The following PKHD1 variants were observed in gnomAD, a reference collection of about 807,000 sequenced individuals.
The protein encoded by PKHD1 is fibrocystin.
PKHD1 carries 291 observed loss-of-function variants against 412.0 expected under a neutral mutation model. The observed-to-expected ratio is 0.71, with a 90% confidence interval of 0.64 to 0.78. The LOEUF is 0.78. Ranked by LOEUF, PKHD1 falls within the 30% of genes least tolerant of loss-of-function variation. The pLI is 0.00. For missense variants in PKHD1, 4,825 were observed against 4,950.7 expected (o/e 0.97, Z 0.76); for synonymous variants, 1,777 against 1,821.5 (o/e 0.98, Z 0.62).
chr6:51,947,442 T>C (rs1337467175), intron 36 of PKHD1, among the ~76,000 whole-genome samples: 1 of 152,226 alleles, frequency 6.6e-6, no homozygotes, highest in Non-Finnish European at 1.5e-5. Flanking sequence ...AACTCTTCTA[T>C]TTAGAACCTT....
At chr6:51,743,529 G>T (rs1784821935) in intron 60 of PKHD1, among the ~76,000 whole-genome samples, 3 of 152,138 alleles carry the variant, frequency 2.0e-5, no homozygotes, top group African/African-American at 4.8e-5. Flanking sequence ...TCAGGGTCGA[G>T]TCTAGGCTGA....
At chr6:51,998,496 G>A (rs978317379) in intron 35 of PKHD1, among the ~76,000 whole-genome samples, 1 of 152,210 alleles carries the variant, frequency 6.6e-6, no homozygotes, top group African/African-American at 2.4e-5. Context: ...TTAACTGGAA[G>A]TAAGGGAACT....
chr6:52,035,881 T>C (rs767947751), intron 27 of PKHD1, among the ~76,000 whole-genome samples, 160 bp from the exon 28 acceptor site: 4 of 152,036 alleles, frequency 2.6e-5, no homozygotes, highest in Non-Finnish European at 4.4e-5. Flanking sequence ...GTTAAATATA[T>C]AAACTATCAT....
chr6:51,840,895 T>G (rs937980443), intron 50 of PKHD1, among the ~76,000 whole-genome samples: 1 of 152,190 alleles, frequency 6.6e-6, no homozygotes, highest in Non-Finnish European at 1.5e-5. Context: ...AGTTTCATTT[T>G]AGTATCTATA....
chr6:51,655,222 C>T (rs1771615773), intron 61 of PKHD1, among the ~76,000 whole-genome samples: 1 of 152,098 alleles, frequency 6.6e-6, no homozygotes, highest in Non-Finnish European at 1.5e-5. Flanking sequence ...TGGAAAAGAA[C>T]ATACTTCCTT....
chr6:51,786,404 G>A lies in PKHD1; in HGVS notation c.8440+4832C>T, dbSNP rs934329445. The stretch of plus-strand genomic sequence containing the variant: ...ACTTTTCACTGTGTCCCTTTTAAGT[G>A]CATTCTCTACACTTCCAGCACTAAT... On this transcript the variant is annotated intron_variant, in intron 53 of 66. Transcript: ENST00000371117. 3.3e-5 allele frequency among the ~76,000 whole-genome samples: 5 copies of A among 152,014 alleles called. No individual in the cohort carries two copies. The South Asian group carries it at 1.0e-3, about 31-fold the overall frequency.
At chr6:51,967,753 A>G (rs1793043769) in intron 35 of PKHD1, among the ~76,000 whole-genome samples, 1 of 152,186 alleles carries the variant, frequency 6.6e-6, no homozygotes, top group Admixed American at 6.5e-5. Flanking sequence ...GAAGATTGAC[A>G]GATACATGCT....
chr6:51,727,117 T>C (rs1039275241), intron 60 of PKHD1, among the ~76,000 whole-genome samples: 1 of 152,164 alleles, frequency 6.6e-6, no homozygotes, highest in Non-Finnish European at 1.5e-5. Flanking sequence ...AAGCCTGGCC[T>C]ACAGTGAACA....
At chr6:52,027,286 C>A (rs959863336) in intron 31 of PKHD1, among the ~76,000 whole-genome samples, 1 of 150,922 alleles carries the variant, frequency 6.6e-6, no homozygotes, top group Non-Finnish European at 1.5e-5. Context: ...AATCCCAGCA[C>A]TTTAGGAGGC....
intron 36 of PKHD1, among the ~76,000 whole-genome samples, chr6:51,956,020 T>A (rs1791073429): frequency 6.6e-6 from 1 of 152,048 alleles, no homozygotes; most frequent in Non-Finnish European, 1.5e-5. Flanking sequence ...CTCTTTATTA[T>A]CTTTCAAGTA....
At chr6:51,930,765 C>T (rs1285135298) in intron 37 of PKHD1, among the ~76,000 whole-genome samples, 1 of 152,206 alleles carries the variant, frequency 6.6e-6, no homozygotes, top group Non-Finnish European at 1.5e-5. Context: ...TACTGGGACC[C>T]ATGCAAATAG....
intron 65 of PKHD1, among the ~76,000 whole-genome samples, chr6:51,627,530 G>A (rs1160229424): frequency 6.6e-6 from 1 of 151,814 alleles, no homozygotes; most frequent in East Asian, 1.9e-4. Flanking sequence ...TTGCATATGT[G>A]GCTCATGTTA....
At chr6:51,808,863 T>C (rs1280153395) in intron 52 of PKHD1, among the ~76,000 whole-genome samples, 1 of 152,108 alleles carries the variant, frequency 6.6e-6, no homozygotes, top group Admixed American at 6.6e-5. Context: ...AAGTTAATAT[T>C]AGGACAAGAT....
chr6:51,795,315 T>C (rs141156701), intron 52 of PKHD1, among the ~76,000 whole-genome samples: 1 of 152,356 alleles, frequency 6.6e-6, no homozygotes, highest in East Asian at 1.9e-4. Flanking sequence ...CATTTGCGAG[T>C]TGGCTCTTGG....
At position 52,059,259 on chromosome 6, in the gene PKHD1, C is replaced by CTTT. The variant is rs55992586; in HGVS notation, c.1234-661_1234-659dup. ...CTTTCTTTTTTTTCTTTTTCTTTTT[C>CTTT]TTTTTTTTTTTTTTTTTTTTTTTTG... On this transcript the variant is annotated intron_variant, in intron 15 of 66. Coordinates refer to ENST00000371117, the MANE Select transcript of PKHD1 (RefSeq NM_138694.4). 8.1e-3 allele frequency among the ~76,000 whole-genome samples: 673 copies of CTTT among 83,494 alleles called. 3 individuals carry two copies. Among genetic ancestry groups the CTTT allele is most frequent in the Middle Eastern group, 0.011 (1 of 94 alleles). The allele number at this position is 83,494 out of a possible 152,430, so 54.8% of individuals were successfully genotyped here.
chr6:52,079,924 T>C lies in PKHD1; in HGVS notation c.366A>G (p.Gly122=), dbSNP rs1317098918. ...CCTTGAAAGTACAGCTATCTCGTGGTCCTGGATTTGGACTGCTTACCAGCT... is the reference window on the plus strand; with the variant it reads ...CCTTGAAAGTACAGCTATCTCGTGGCCCTGGATTTGGACTGCTTACCAGCT... The part of the protein sequence containing the change: ...GGQLVSSPNP[G]PRDSCTFKFS... The change falls in exon 5 of 67, where the codon GGA becomes GGG. Residue 122 remains glycine, a synonymous_variant. Coordinates refer to ENST00000371117, the MANE Select transcript of PKHD1 (RefSeq NM_138694.4). 1 of 1,604,160 alleles carries C rather than the reference T, an allele frequency of 6.2e-7. No individual in the cohort carries two copies. The highest frequency in any genetic ancestry group is 1.1e-5 in the South Asian group (1 of 90,872).
Position 51,925,455 on chromosome 6 carries a change from A to ATGTG in PKHD1, c.6121+8651_6121+8654dup, listed in dbSNP as rs70977319. 5.6e-3 allele frequency among the ~76,000 whole-genome samples: 819 copies of ATGTG among 144,996 alleles called. 9 individuals carry two copies. Among genetic ancestry groups the ATGTG allele is most frequent in the Middle Eastern group, 0.015 (4 of 266 alleles). On this transcript the variant is annotated intron_variant, in intron 37 of 66. Transcript: ENST00000371117. ...TTGTTCTTCGTGTGTGTGTGTGTGT[A>ATGTG]TGTGTGTGTGTGTGTGTGTGTGTGT...
At chr6:51,813,644 C>G (rs531392127) in intron 52 of PKHD1, among the ~76,000 whole-genome samples, 1 of 152,000 alleles carries the variant, frequency 6.6e-6, no homozygotes, top group Non-Finnish European at 1.5e-5. Context: ...AAGTGCAGTG[C>G]TTGGAACTAA....
rs73435720 is a variant in PKHD1 at position 52,068,284 on chromosome 6, T to C, written c.778+1173A>G. Among the ~76,000 whole-genome samples the C allele has an allele frequency of 9.2e-3, 1,399 of 152,302 alleles. 27 individuals carry two copies. Among genetic ancestry groups the C allele is most frequent in the African/African-American group, 0.032 (1,335 of 41,560 alleles). ...CATGGCTGTCTACACCCTCTCTTCCTACAGCCTGCTCTGCTGTGAAGAAGT... is the reference window on the plus strand; with the variant it reads ...CATGGCTGTCTACACCCTCTCTTCCCACAGCCTGCTCTGCTGTGAAGAAGT... On this transcript the variant is annotated intron_variant, in intron 11 of 66. Coordinates refer to ENST00000371117, the MANE Select transcript of PKHD1 (RefSeq NM_138694.4).
Sources: gnomAD v4.1 joint callset for allele counts (sites outside exome capture counted in the v4.1 genomes callset) on GRCh38, gnomAD v4.1.1 for gene constraint, MANE v1.5 for transcripts, NCBI Gene and HGNC (gene_info 2026-07-23, HGNC 2026-07-21) for gene names.